The following WASF3 variants were observed in gnomAD, a reference collection of about 807,000 sequenced individuals.
The protein encoded by WASF3 is actin-binding protein WASF3.
A neutral mutation model predicts 46.6 loss-of-function variants in WASF3; 11 were observed. That is an observed-to-expected ratio of 0.24 (90% CI 0.15 to 0.39). WASF3 has a LOEUF of 0.39. WASF3 is among the 10% of genes least tolerant of loss of function. The pLI, the probability that WASF3 is intolerant of heterozygous loss-of-function variation, is 1.00. For missense variants in WASF3, 576 were observed against 669.8 expected (o/e 0.86, Z 1.55); for synonymous variants, 242 against 259.7 (o/e 0.93, Z 0.65).
intron 2 of WASF3, among the ~76,000 whole-genome samples, chr13:26,630,102 A>C (rs1310184893): frequency 6.6e-6 from 1 of 152,080 alleles, no homozygotes; most frequent in African/African-American, 2.4e-5. Context: ...CCTCAGCAAT[A>C]ATGTTTACAT....
chr13:26,553,095 T>C (rs934191762), upstream of WASF3, among the ~76,000 whole-genome samples: 6 of 152,264 alleles, frequency 3.9e-5, no homozygotes, highest in African/African-American at 1.4e-4. Flanking sequence ...TTGAGAGCTG[T>C]TCAGTTATCG....
At chr13:26,658,719 C>T (rs1055226973) in intron 3 of WASF3, among the ~76,000 whole-genome samples, 10 of 152,150 alleles carry the variant, frequency 6.6e-5, no homozygotes, top group African/African-American at 2.2e-4. Flanking sequence ...AGGTGAAAGG[C>T]AGAACTCCAA....
chr13:26,626,895 T>G (rs1160905008), intron 2 of WASF3, among the ~76,000 whole-genome samples: 1 of 152,158 alleles, frequency 6.6e-6, no homozygotes, highest in Non-Finnish European at 1.5e-5. Flanking sequence ...AGGGGAGAAG[T>G]TGACAAATAC....
chr13:26,681,412 G>A, intron 8 of WASF3, 92 bp downstream of exon 8: 21 of 1,430,520 alleles, frequency 1.5e-5, no homozygotes, highest in Non-Finnish European at 2.0e-5. Context: ...CGGTATTTTA[G>A]AGGCCAAGAT....
At chr13:26,617,423 G>T (rs1394585046) in intron 2 of WASF3, among the ~76,000 whole-genome samples, 1 of 152,014 alleles carries the variant, frequency 6.6e-6, no homozygotes, top group African/African-American at 2.4e-5. Context: ...ATCACTCCTA[G>T]TTATTTCATT....
intron 1 of WASF3, among the ~76,000 whole-genome samples, chr13:26,575,507 A>G (rs1879770064): frequency 6.6e-6 from 1 of 152,172 alleles, no homozygotes; most frequent in Non-Finnish European, 1.5e-5. Flanking sequence ...CTAGGATTCT[A>G]TTAGTTGTAT....
upstream of WASF3, among the ~76,000 whole-genome samples, chr13:26,557,481 C>G (rs1338152660): frequency 1.3e-5 from 2 of 150,438 alleles, no homozygotes; most frequent in African/African-American, 4.9e-5. Context: ...GGGCGGAGGA[C>G]CAAGGGTGAG....
chr13:26,559,824 T>TC (rs1879236424), intron 1 of WASF3, among the ~76,000 whole-genome samples: 3 of 91,762 alleles, frequency 3.3e-5, no homozygotes, highest in Non-Finnish European at 2.4e-5. Context: ...TTTTTTTTTT[T>TC]TTTTTTTTTT....
intron 2 of WASF3, among the ~76,000 whole-genome samples, chr13:26,628,785 A>G (rs1207292063): frequency 6.6e-6 from 1 of 152,222 alleles, no homozygotes; most frequent in African/African-American, 2.4e-5. Context: ...CCACTGGTGC[A>G]GAATGGGAAG....
At position 26,681,253 on chromosome 13, in the gene WASF3, C is replaced by A; in HGVS notation, c.916C>A (p.Pro306Thr). ...CCTCAACAGACCTCAGCAGCCGCCC[C>A]CCCCGCCTCCCCCTCAGGCCCCAGA... Reference protein sequence around the residue: ...MALNRPQQPPPPPPPQAPEGS... With the variant: ...MALNRPQQPPTPPPPQAPEGS... Residue 306 changes from proline (P) to threonine (T), a missense_variant, in exon 8 of 10, where the codon CCC becomes ACC. By Grantham distance (38) the Pro-to-Thr change is conservative. Coordinates refer to ENST00000335327, the MANE Select transcript of WASF3 (RefSeq NM_006646.6). 1 of 1,613,308 alleles carries A rather than the reference C, an allele frequency of 6.2e-7. No homozygotes were observed. Among genetic ancestry groups the A allele is most frequent in the Non-Finnish European group, 8.5e-7 (1 of 1,179,776 alleles).
intron 2 of WASF3, among the ~76,000 whole-genome samples, chr13:26,631,784 T>C (rs992935720): frequency 6.6e-6 from 1 of 152,240 alleles, no homozygotes; most frequent in Non-Finnish European, 1.5e-5. Flanking sequence ...TTTCACAATA[T>C]TGATTCTTCC....
At chr13:26,654,283 C>G (rs1164079168) in intron 3 of WASF3, among the ~76,000 whole-genome samples, 1 of 152,194 alleles carries the variant, frequency 6.6e-6, no homozygotes, top group African/African-American at 2.4e-5. Flanking sequence ...TTGTCTTCAG[C>G]CTGGAAGGTT....
At chr13:26,653,951 C>G (rs551333654) in intron 3 of WASF3, among the ~76,000 whole-genome samples, 1 of 152,324 alleles carries the variant, frequency 6.6e-6, no homozygotes, top group East Asian at 1.9e-4. Context: ...CAAGTGGAAG[C>G]TCTCCTCTTA....
intron 1 of WASF3, among the ~76,000 whole-genome samples, chr13:26,608,987 A>G (rs956427332): frequency 1.3e-5 from 2 of 152,218 alleles, no homozygotes; most frequent in Non-Finnish European, 2.9e-5. Context: ...CTGGAAAAAT[A>G]AGTGGGGAAA....
At chr13:26,565,772 A>T (rs1246849137) in intron 1 of WASF3, among the ~76,000 whole-genome samples, 1 of 152,222 alleles carries the variant, frequency 6.6e-6, no homozygotes. Context: ...AAAAGTTGGC[A>T]TTGCAATTTA....
At chr13:26,615,482 T>A (rs1881105014) in intron 2 of WASF3, among the ~76,000 whole-genome samples, 2 of 152,076 alleles carry the variant, frequency 1.3e-5, no homozygotes. Context: ...CTAATTTTTG[T>A]ATTTTTAATA....
At chr13:26,613,274 A>AT (rs780328367) in intron 2 of WASF3, among the ~76,000 whole-genome samples, 2 of 151,880 alleles carry the variant, frequency 1.3e-5, no homozygotes, top group African/African-American at 4.8e-5. Flanking sequence ...AGAAAAAAAA[A>AT]CTTGATATAT....
chr13:26,649,082 A>T (rs1356655323), intron 3 of WASF3, among the ~76,000 whole-genome samples: 1 of 152,178 alleles, frequency 6.6e-6, no homozygotes, highest in Non-Finnish European at 1.5e-5. Flanking sequence ...CACTAAATTT[A>T]TCTGGTTTTA....
chr13:26,593,828 A>G (rs886547348), intron 1 of WASF3, among the ~76,000 whole-genome samples: 4 of 152,250 alleles, frequency 2.6e-5, no homozygotes, highest in Admixed American at 6.5e-5. Context: ...ATAATTAACA[A>G]GTCTTCTAAA....
Sources: gnomAD v4.1 joint callset for allele counts (sites outside exome capture counted in the v4.1 genomes callset) on GRCh38, gnomAD v4.1.1 for gene constraint, MANE v1.5 for transcripts, NCBI Gene and HGNC (gene_info 2026-07-23, HGNC 2026-07-21) for gene names.